Variants in ADAMTS19 observed in about 807,000 individuals in gnomAD.
The protein encoded by ADAMTS19 is A disintegrin and metalloproteinase with thrombospondin motifs 19.
ADAMTS19 carries 93 observed loss-of-function variants against 153.3 expected under a neutral mutation model. The ratio of observed to expected loss-of-function variants is 0.61; its 90% CI spans 0.51 to 0.72. The LOEUF is 0.72. Ranked by LOEUF, ADAMTS19 falls within the 30% of genes least tolerant of loss-of-function variation. The pLI, the probability that ADAMTS19 is intolerant of heterozygous loss-of-function variation, is 0.00. For synonymous variants in ADAMTS19, 600 were observed against 556.6 expected (o/e 1.08, Z -1.10); for missense variants, 1,482 against 1,552.1 (o/e 0.95, Z 0.76).
rs373059877 is a variant in ADAMTS19 at position 129,567,603 on chromosome 5, GA to G, written c.1372+15700del. 1.2e-4 allele frequency among the ~76,000 whole-genome samples: 19 copies of G among 152,184 alleles called. No individual in the cohort carries two copies. The East Asian group carries it at 1.9e-3, about 15-fold the overall frequency. On this transcript the variant is annotated intron_variant, in intron 7 of 22. Transcript: ENST00000274487. ...TGAATAGCGGCATGGAGCTGACTGA[GA>G]AAAGAGTCAGTGAACTTTAAGACAA...
chr5:129,730,239 A>G (rs1820051), intron 21 of ADAMTS19, among the ~76,000 whole-genome samples: 3,182 of 152,234 alleles, frequency 0.021, 109 homozygotes, highest in African/African-American at 0.07. Flanking sequence ...AATAAAGCTT[A>G]CACTGAACTG....
chr5:129,532,802 A>C (rs1472301846), intron 6 of ADAMTS19, among the ~76,000 whole-genome samples: 1 of 152,164 alleles, frequency 6.6e-6, no homozygotes, highest in Non-Finnish European at 1.5e-5. Flanking sequence ...ATGAATATGA[A>C]TATCATTATA....
At chr5:129,536,300 CA>C (rs1340674570) in intron 6 of ADAMTS19, among the ~76,000 whole-genome samples, 1 of 152,144 alleles carries the variant, frequency 6.6e-6, no homozygotes, top group African/African-American at 2.4e-5. Context: ...AGCCAAAAGA[CA>C]CATGAAAAAA....
rs976539405 is a variant in ADAMTS19 at position 129,738,511 on chromosome 5, G to A, written c.*1293G>A. 6 of 151,932 alleles carry A rather than the reference G, an allele frequency of 3.9e-5. No individual in the cohort carries two copies. In the East Asian group the frequency reaches 7.8e-4, roughly 20 times the overall value. 9.4% of individuals were successfully genotyped at this position (151,932 alleles called of 1,614,324 possible). On this transcript the variant is annotated 3_prime_UTR_variant, in exon 23 of 23. Coordinates refer to ENST00000274487, the MANE Select transcript of ADAMTS19 (RefSeq NM_133638.6). ...ATACTTCTCATTATAAAAGTTTCAGGTTCCCTAAAATTGGGGTTTCTTTAC... is the reference window on the plus strand; with the variant it reads ...ATACTTCTCATTATAAAAGTTTCAGATTCCCTAAAATTGGGGTTTCTTTAC...
chr5:129,638,781 C>T (rs548900732), intron 10 of ADAMTS19, among the ~76,000 whole-genome samples: 8 of 152,150 alleles, frequency 5.3e-5, no homozygotes, highest in Admixed American at 1.3e-4. Flanking sequence ...TCAATGCATA[C>T]GCAGTTAAAA....
chr5:129,576,600 T>G (rs1322059523), intron 7 of ADAMTS19, among the ~76,000 whole-genome samples: 1 of 151,658 alleles, frequency 6.6e-6, no homozygotes, highest in Non-Finnish European at 1.5e-5. Context: ...TTTTTTTTTT[T>G]AGTTAAATAC....
At chr5:129,651,662 C>T (rs1000803277) in intron 13 of ADAMTS19, among the ~76,000 whole-genome samples, 2 of 152,052 alleles carry the variant, frequency 1.3e-5, no homozygotes, top group African/African-American at 4.8e-5. Context: ...TATGTCAGTT[C>T]CTCTAGGAAG....
intron 15 of ADAMTS19, among the ~76,000 whole-genome samples, chr5:129,664,572 C>T (rs868268998): frequency 1.3e-5 from 2 of 151,866 alleles, no homozygotes; most frequent in Middle Eastern, 3.2e-3. Flanking sequence ...TTTTGGTATA[C>T]GCCAAATAAC....
intron 2 of ADAMTS19, among the ~76,000 whole-genome samples, chr5:129,488,113 A>G (rs1047681705): frequency 3.3e-5 from 5 of 152,086 alleles, no homozygotes; most frequent in Non-Finnish European, 7.4e-5. Flanking sequence ...CTCACAGCAA[A>G]GAAAATACAC....
chr5:129,522,332 CATATATATATATATATAT>C (rs1209637522), intron 3 of ADAMTS19, among the ~76,000 whole-genome samples: 5 of 58,626 alleles, frequency 8.5e-5, no homozygotes, highest in Non-Finnish European at 1.1e-4. Flanking sequence ...CACACACACA[CATATATATATATATATAT>C]ATATATATAT....
At chr5:129,689,555 G>A (rs1405849627) in intron 18 of ADAMTS19, among the ~76,000 whole-genome samples, 2 of 152,048 alleles carry the variant, frequency 1.3e-5, no homozygotes, top group Non-Finnish European at 2.9e-5. Context: ...CTCCCAAGTA[G>A]CTAGGATTAC....
chr5:129,676,960 G>T (rs1581216297), intron 16 of ADAMTS19, among the ~76,000 whole-genome samples: 1 of 152,000 alleles, frequency 6.6e-6, no homozygotes, highest in African/African-American at 2.4e-5. Context: ...TCTTTACATT[G>T]TGCCCTAAAA....
At chr5:129,629,825 T>C (rs1056469908) in intron 10 of ADAMTS19, among the ~76,000 whole-genome samples, 7 of 152,206 alleles carry the variant, frequency 4.6e-5, no homozygotes, top group African/African-American at 1.7e-4. Flanking sequence ...CATCAAGTCA[T>C]TGTAATAGCT....
At chr5:129,506,953 G>A (rs1475856652) in intron 2 of ADAMTS19, among the ~76,000 whole-genome samples, 1 of 151,840 alleles carries the variant, frequency 6.6e-6, no homozygotes, top group African/African-American at 2.4e-5. Flanking sequence ...TTGGGGTTTG[G>A]ATAAAGGTGC....
At chr5:129,593,072 G>C (rs1408433566) in intron 7 of ADAMTS19, among the ~76,000 whole-genome samples, 1 of 151,916 alleles carries the variant, frequency 6.6e-6, no homozygotes, top group Non-Finnish European at 1.5e-5. Context: ...TGGTGTTTAT[G>C]GGTTTCCATA....
intron 2 of ADAMTS19, among the ~76,000 whole-genome samples, chr5:129,468,940 C>A (rs1332429241): frequency 6.6e-6 from 1 of 152,002 alleles, no homozygotes; most frequent in African/African-American, 2.4e-5. Flanking sequence ...CCACACCCAG[C>A]TAATTTTTGT....
At chr5:129,651,123 C>T (rs1280383462) in intron 13 of ADAMTS19, among the ~76,000 whole-genome samples, 1 of 152,138 alleles carries the variant, frequency 6.6e-6, no homozygotes, top group Admixed American at 6.5e-5. Flanking sequence ...ACTTCAAACA[C>T]TATTCTGTTT....
intron 2 of ADAMTS19, among the ~76,000 whole-genome samples, chr5:129,492,097 C>T (rs1212656856): frequency 6.6e-6 from 1 of 152,140 alleles, no homozygotes; most frequent in Admixed American, 6.5e-5. Context: ...ATATCTGCTT[C>T]TGTGGAGGTC....
intron 21 of ADAMTS19, among the ~76,000 whole-genome samples, chr5:129,713,178 T>A (rs1756558192): frequency 6.6e-6 from 1 of 152,218 alleles, no homozygotes; most frequent in African/African-American, 2.4e-5. Flanking sequence ...ATTTTTGTGA[T>A]GTTGAACCTC....
Sources: gnomAD v4.1 joint callset for allele counts (sites outside exome capture counted in the v4.1 genomes callset) on GRCh38, gnomAD v4.1.1 for gene constraint, MANE v1.5 for transcripts, NCBI Gene and HGNC (gene_info 2026-07-23, HGNC 2026-07-21) for gene names.